The following FBXO47 variants were observed in gnomAD, a reference collection of about 807,000 sequenced individuals.
FBXO47 encodes the protein F-box only protein 47.
Under a neutral mutation model 53.9 loss-of-function variants are expected in FBXO47, and 34 were observed. The ratio of observed to expected loss-of-function variants is 0.63; its 90% CI spans 0.48 to 0.84. The LOEUF is 0.84. Ranked by LOEUF, FBXO47 falls within the 40% of genes least tolerant of loss-of-function variation. The pLI, the probability that FBXO47 is intolerant of heterozygous loss-of-function variation, is 0.00. For missense variants in FBXO47, 485 were observed against 541.3 expected, an observed-to-expected ratio of 0.90 and a Z score of 1.03; for synonymous variants, 165 against 181.6, an observed-to-expected ratio of 0.91 and a Z score of 0.73.
chr17:38,959,624 T>G (rs946970025), intron 3 of FBXO47, among the ~76,000 whole-genome samples: 4 of 126,202 alleles, frequency 3.2e-5, no homozygotes, highest in South Asian at 5.3e-4. Flanking sequence ...CTTCAAAGCA[T>G]TGTGTGTGTG....
intron 6 of FBXO47, among the ~76,000 whole-genome samples, chr17:38,947,472 G>C (rs189939447): frequency 3.3e-4 from 50 of 152,040 alleles, no homozygotes; most frequent in Admixed American, 1.1e-3. Flanking sequence ...GGGACCACAG[G>C]CTAATTTTAT....
chr17:38,967,113 AGGACAAACT>A (rs1906169002), intron 1 of FBXO47, 107 bp downstream of exon 1: 1 of 152,212 alleles, frequency 6.6e-6, no homozygotes, highest in African/African-American at 2.4e-5. Context: ...GGAAGCCTAA[AGGACAAACT>A]GGTCAACAGG....
intron 5 of FBXO47, among the ~76,000 whole-genome samples, chr17:38,952,951 G>C (rs1015239492): frequency 6.6e-6 from 1 of 151,042 alleles, no homozygotes; most frequent in Non-Finnish European, 1.5e-5. Flanking sequence ...ACTACGCCTG[G>C]CTATTTATGA....
intron 7 of FBXO47, among the ~76,000 whole-genome samples, chr17:38,944,552 AT>A (rs1053169974): frequency 2.0e-4 from 31 of 151,766 alleles, no homozygotes; most frequent in African/African-American, 7.2e-4. Context: ...AATACAAAAA[AT>A]TAGCCAGGCA....
In FBXO47 at chr17:38,959,860, A is replaced by T. The variant is rs550148896; in HGVS notation, c.352+2017T>A. The stretch of plus-strand genomic sequence containing the variant: ...CCTAAAATGGCAATACACTGTTAAC[A>T]TTCCTATGAGGGCAAATGTCCTCAA... On this transcript the variant is annotated intron_variant, in intron 3 of 10. Transcript: ENST00000378079. Among the ~76,000 whole-genome samples, 3 of 152,158 alleles carry T rather than the reference A, an allele frequency of 2.0e-5. No individual in the cohort carries two copies. In the South Asian group the frequency reaches 6.2e-4, roughly 32 times the overall value.
At chr17:38,948,953 A>G (rs1051318095) in intron 6 of FBXO47, among the ~76,000 whole-genome samples, 1 of 151,738 alleles carries the variant, frequency 6.6e-6, no homozygotes. Flanking sequence ...TCCATTAGCT[A>G]TTCTTCCTGA....
chr17:38,944,650 C>T (rs1904661293), intron 7 of FBXO47, among the ~76,000 whole-genome samples: 1 of 147,084 alleles, frequency 6.8e-6, no homozygotes, highest in South Asian at 2.2e-4. Flanking sequence ...CGCAGTGAGC[C>T]GAGATTGCGC....
chr17:38,961,393 T>C (rs1227617505), intron 3 of FBXO47, among the ~76,000 whole-genome samples: 1 of 152,214 alleles, frequency 6.6e-6, no homozygotes, highest in East Asian at 1.9e-4. Context: ...TTATACAGAA[T>C]TTGCTTTGAT....
chr17:38,945,590 G>C (rs1261276445), intron 6 of FBXO47, among the ~76,000 whole-genome samples: 1 of 151,994 alleles, frequency 6.6e-6, no homozygotes, highest in African/African-American at 2.4e-5. Flanking sequence ...CTTGAGGTCA[G>C]GAGTTCAAGA....
At chr17:38,950,066 A>G (rs1239203457) in intron 6 of FBXO47, among the ~76,000 whole-genome samples, 1 of 152,184 alleles carries the variant, frequency 6.6e-6, no homozygotes, top group African/African-American at 2.4e-5. Flanking sequence ...TAAGTACGCA[A>G]TTCAGTGGCA....
rs897162266 is a variant in FBXO47 at position 38,961,821 on chromosome 17, T to C, written c.352+56A>G. 4 of 1,467,398 alleles carry C rather than the reference T, an allele frequency of 2.7e-6. No individual in the cohort carries two copies. In the African/African-American group the frequency reaches 5.7e-5, roughly 21 times the overall value. The allele number at this position is 1,467,398 out of a possible 1,614,324, so 90.9% of individuals were successfully genotyped here. On this transcript the variant is annotated intron_variant, in intron 3 of 10. Transcript: ENST00000378079. ...TGGCCTTACAGAATTGTATACTAAG[T>C]TTCTCTTAATTAAGCACAGTTCTTT...
chr17:38,954,293 G>A (rs748222325), intron 5 of FBXO47, among the ~76,000 whole-genome samples: 11 of 151,594 alleles, frequency 7.3e-5, no homozygotes, highest in African/African-American at 2.2e-4. Context: ...GTAAGACTCC[G>A]TCTCAAAAAA....
chr17:38,963,075 G>A, intron 1 of FBXO47, 24 bp from the exon 2 acceptor site: 1 of 1,394,546 alleles, frequency 7.2e-7, no homozygotes, highest in Non-Finnish European at 9.9e-7. Flanking sequence ...CAAAGTACAA[G>A]AGACAAGAAA....
chr17:38,948,288 T>C lies in FBXO47; in HGVS notation c.617-3152A>G, dbSNP rs143524211. On this transcript the variant is annotated intron_variant, in intron 6 of 10. Coordinates refer to ENST00000378079, the MANE Select transcript of FBXO47 (RefSeq NM_001008777.3). ...AGTGCAGTGGTGTGATCTCGGCTCATTGCAACCTCTGTCTCCCGAGTTCAA... is the reference window on the plus strand; with the variant it reads ...AGTGCAGTGGTGTGATCTCGGCTCACTGCAACCTCTGTCTCCCGAGTTCAA... Among the ~76,000 whole-genome samples, 1,092 of 148,964 alleles carry C rather than the reference T, an allele frequency of 7.3e-3. 19 individuals are homozygous for C. Among genetic ancestry groups the C allele is most frequent in the African/African-American group, 0.026 (1,054 of 40,378 alleles).
At position 38,938,618 on chromosome 17, in the gene FBXO47, C is replaced by T; in HGVS notation, c.1198G>A (p.Ala400Thr). The T allele has an allele frequency of 6.2e-7, 1 of 1,613,676 alleles. No homozygotes were observed. The highest frequency in any genetic ancestry group is 1.3e-5 in the African/African-American group (1 of 75,048). Residue 400 changes from alanine to threonine, a missense_variant, in exon 10 of 11, where the codon GCA (alanine) becomes ACA (threonine). Transcript: ENST00000378079. Reference sequence around the variant, plus strand: ...ATTTCCATTATAACACATGCAAATGCATTTGCCACATTCTGCAGGAAGTTC... The same window carrying T: ...ATTTCCATTATAACACATGCAAATGTATTTGCCACATTCTGCAGGAAGTTC... ...RKNFLQNVAN[A>T]FACVIMEMLQ...
chr17:38,943,921 G>T (rs1904620849), intron 7 of FBXO47, among the ~76,000 whole-genome samples, 185 bp from the exon 8 acceptor site: 1 of 152,162 alleles, frequency 6.6e-6, no homozygotes, highest in Non-Finnish European at 1.5e-5. Flanking sequence ...GCCGGGCGTG[G>T]TGGCTCATGC....
chr17:38,953,125 CCACACACACACA>C lies in FBXO47; in HGVS notation c.508-1448_508-1437del, dbSNP rs768926649. Among the ~76,000 whole-genome samples the C allele has an allele frequency of 7.1e-3, 838 of 117,882 alleles. 4 individuals are homozygous for C. The highest frequency in any genetic ancestry group is 0.011 in the Non-Finnish European group (652 of 59,048). The allele number at this position is 117,882 out of a possible 152,430, so 77.3% of individuals were successfully genotyped here. A position where few individuals can be genotyped will look rare whatever the true frequency, so the allele number is the denominator to read the frequency against. ...AACCCTGTCTCTACTAAAAAAAAAA[CCACACACACACA>C]CACACACACACACACACACACACAC... On this transcript the variant is annotated intron_variant, in intron 5 of 10. Coordinates refer to ENST00000378079, the MANE Select transcript of FBXO47 (RefSeq NM_001008777.3).
Position 38,943,623 on chromosome 17 carries a change from C to G in FBXO47, c.907G>C (p.Asp303His). The change falls in exon 8 of 11, where the codon GAT (aspartate) becomes CAT (histidine). Residue 303 changes from aspartate to histidine, a missense_variant. Asp to His is a moderately conservative substitution (Grantham distance 81). Coordinates refer to ENST00000378079, the MANE Select transcript of FBXO47 (RefSeq NM_001008777.3). ...YDASTKEWTADDVISLVDELS... is the reference protein window; with the variant it reads ...YDASTKEWTAHDVISLVDELS... ...TCATCTACAAGACTGATAACATCAT[C>G]TGCTGTCCACTCTTTAGTGCTAGCG... is the stretch of plus-strand genomic sequence containing the variant. 6.2e-7 allele frequency: 1 copy of G among 1,602,972 alleles called. No homozygotes were observed. The highest frequency in any genetic ancestry group is 1.1e-5 in the South Asian group (1 of 89,132).
intron 6 of FBXO47, among the ~76,000 whole-genome samples, chr17:38,947,993 C>G (rs1218117984): frequency 6.6e-6 from 1 of 152,034 alleles, no homozygotes; most frequent in African/African-American, 2.4e-5. Context: ...ACATACCATA[C>G]CATTTACCCA....
Sources: gnomAD v4.1 joint callset for allele counts (sites outside exome capture counted in the v4.1 genomes callset) on GRCh38, gnomAD v4.1.1 for gene constraint, MANE v1.5 for transcripts, NCBI Gene and HGNC (gene_info 2026-07-23, HGNC 2026-07-21) for gene names.